Variants in CENPP observed in about 807,000 individuals in gnomAD.
CENPP encodes the protein centromere protein P.
A neutral mutation model predicts 35.6 loss-of-function variants in CENPP; 24 were observed. The observed-to-expected ratio is 0.67, with a 90% CI of 0.49 to 0.95. The LOEUF is 0.95. CENPP is among the 40% of genes least tolerant of loss of function. The pLI is 0.00. For synonymous variants in CENPP, 120 were observed against 125.5 expected (o/e 0.96, Z 0.29); for missense variants, 332 against 345.3 (o/e 0.96, Z 0.31).
intron 5 of CENPP, among the ~76,000 whole-genome samples, chr9:92,405,491 G>A (rs1843280669): frequency 1.3e-5 from 2 of 152,076 alleles, no homozygotes; most frequent in African/African-American, 4.8e-5. Flanking sequence ...TAAGACTTGA[G>A]CACTGAAGTT....
intron 5 of CENPP, among the ~76,000 whole-genome samples, chr9:92,406,453 C>T (rs1180065076): frequency 6.6e-6 from 1 of 152,166 alleles, no homozygotes; most frequent in Non-Finnish European, 1.5e-5. Context: ...TCTAATGTTG[C>T]ATTGCTGAAG....
rs1842205452 is a variant in CENPP at position 92,379,825 on chromosome 9, T to C, written c.530T>C (p.Phe177Ser). The stretch of plus-strand genomic sequence containing the variant: ...AGCCTGCATTTTTTTGTGGAGTGGT[T>C]TGAATATCGTAAGCGCACGTTTAAA... Reference protein sequence around the residue: ...FRSLHFFVEWFEYRKRTFKHL... With the variant: ...FRSLHFFVEWSEYRKRTFKHL... The change falls in exon 5 of 8, where the codon TTT becomes TCT. Residue 177 changes from phenylalanine (F) to serine (S), a missense_variant. By Grantham distance (155) the Phe-to-Ser change is radical. Coordinates refer to ENST00000375587, the MANE Select transcript of CENPP (RefSeq NM_001012267.3). The C allele has an allele frequency of 6.2e-7, 1 of 1,613,114 alleles. No homozygotes were observed. Among genetic ancestry groups the C allele is most frequent in the African/African-American group, 1.3e-5 (1 of 74,924 alleles).
At chr9:92,456,878 T>C in intron 5 of CENPP, 1 of 887,496 alleles carries the variant, frequency 1.1e-6, no homozygotes, top group Non-Finnish European at 1.4e-6. Context: ...TTACTGTCTT[T>C]GTTAATTCTG....
chr9:92,539,656 T>C (rs1849271411), intron 5 of CENPP, among the ~76,000 whole-genome samples: 1 of 152,092 alleles, frequency 6.6e-6, no homozygotes, highest in Non-Finnish European at 1.5e-5. Flanking sequence ...GAGAGGATGC[T>C]AAGTGAGGGG....
At chr9:92,492,690 C>G (rs1221673310) in intron 5 of CENPP, among the ~76,000 whole-genome samples, 2 of 152,158 alleles carry the variant, frequency 1.3e-5, no homozygotes, top group African/African-American at 2.4e-5. Context: ...TATTAGGCAG[C>G]CTGCCACTCT....
intron 5 of CENPP, among the ~76,000 whole-genome samples, chr9:92,502,997 A>G (rs936239716): frequency 1.3e-5 from 2 of 151,842 alleles, no homozygotes; most frequent in Admixed American, 6.6e-5. Flanking sequence ...TTGTAGAGAC[A>G]GGGTCTCACC....
chr9:92,588,408 C>T (rs144304193), intron 5 of CENPP, among the ~76,000 whole-genome samples: 4,541 of 151,398 alleles, frequency 0.03, 103 homozygotes, highest in Non-Finnish European at 0.044. Context: ...GCACCACACC[C>T]GGCTAATTTT....
chr9:92,584,917 C>T (rs1273595222), intron 5 of CENPP, among the ~76,000 whole-genome samples: 1 of 152,192 alleles, frequency 6.6e-6, no homozygotes, highest in East Asian at 1.9e-4. Flanking sequence ...GTTTGTCAAG[C>T]ACCTATTATG....
intron 5 of CENPP, chr9:92,493,887 G>A (rs1202419421): frequency 7.6e-6 from 3 of 397,080 alleles, no homozygotes; most frequent in African/African-American, 4.1e-5. Context: ...GTTGAGAAGC[G>A]ACATACACAG....
intron 5 of CENPP, among the ~76,000 whole-genome samples, chr9:92,422,791 T>C (rs557425608): frequency 1.1e-4 from 17 of 152,324 alleles, no homozygotes; most frequent in African/African-American, 4.1e-4. Context: ...GTTACAACAA[T>C]CTCTTATTTT....
At chr9:92,597,216 A>G (rs1469033159) in intron 5 of CENPP, among the ~76,000 whole-genome samples, 2 of 152,174 alleles carry the variant, frequency 1.3e-5, no homozygotes, top group African/African-American at 4.8e-5. Context: ...TAAAATGAGC[A>G]ATATACCGCA....
At chr9:92,462,970 A>G (rs1461652791) in intron 5 of CENPP, among the ~76,000 whole-genome samples, 1 of 152,206 alleles carries the variant, frequency 6.6e-6, no homozygotes, top group Non-Finnish European at 1.5e-5. Context: ...AAGTTGAGGG[A>G]ACTGTTGTGT....
At chr9:92,461,586 C>T (rs1472545924) in intron 5 of CENPP, among the ~76,000 whole-genome samples, 4 of 152,128 alleles carry the variant, frequency 2.6e-5, no homozygotes, top group Non-Finnish European at 5.9e-5. Context: ...CCTTTAACTT[C>T]TTCCTATGCC....
chr9:92,331,944 A>G (rs1016206362), intron 1 of CENPP, among the ~76,000 whole-genome samples: 3 of 152,154 alleles, frequency 2.0e-5, no homozygotes, highest in African/African-American at 7.2e-5. Context: ...TAAGACCCTC[A>G]TCTCTTAAAA....
At chr9:92,530,426 A>G (rs941986431) in intron 5 of CENPP, among the ~76,000 whole-genome samples, 70 of 152,242 alleles carry the variant, frequency 4.6e-4, no homozygotes, top group African/African-American at 1.6e-3. Context: ...TCTGTTAAAA[A>G]ATTAGTAGTC....
At chr9:92,446,220 C>A (rs974661745) in intron 5 of CENPP, among the ~76,000 whole-genome samples, 4 of 152,086 alleles carry the variant, frequency 2.6e-5, no homozygotes. Context: ...CCTCTTTAGA[C>A]CCTCTATAAT....
intron 5 of CENPP, among the ~76,000 whole-genome samples, chr9:92,432,282 G>A (rs1427766821): frequency 1.3e-5 from 2 of 151,610 alleles, no homozygotes; most frequent in South Asian, 2.1e-4. Flanking sequence ...TCAAGATGGC[G>A]CCATTGCACT....
chr9:92,619,520 T>C lies in CENPP; in HGVS notation c.*6371T>C, dbSNP rs201365735. On this transcript the variant is annotated 3_prime_UTR_variant, in exon 8 of 8. Transcript: ENST00000375587. ...TGCAGACAGGGAGACAGTGCAATCA[T>C]GATGGAGCAGTCCTTGGCAGTCATG... is the stretch of plus-strand genomic sequence containing the variant. The C allele has an allele frequency of 4.0e-4, 637 of 1,593,586 alleles. No homozygotes were observed. The highest frequency in any genetic ancestry group is 5.0e-4 in the Non-Finnish European group (587 of 1,170,574).
In CENPP at chr9:92,474,722, G is replaced by A. The variant is rs769651044; in HGVS notation, c.564+94863G>A. ...AAAAAAATGGCTTCTTGGCTCTCTTGTTGGAAAAAGAGAGTTGTCCTCATC... is the reference window on the plus strand; with the variant it reads ...AAAAAAATGGCTTCTTGGCTCTCTTATTGGAAAAAGAGAGTTGTCCTCATC... On this transcript the variant is annotated intron_variant, in intron 5 of 7. Coordinates refer to ENST00000375587, the MANE Select transcript of CENPP (RefSeq NM_001012267.3). 30 of 1,610,976 alleles carry A rather than the reference G, an allele frequency of 1.9e-5. No homozygotes were observed. In the Middle Eastern group the frequency reaches 2.6e-3, roughly 142 times the overall value.
Sources: allele counts gnomAD v4.1 joint callset (sites outside exome capture counted in the v4.1 genomes callset), GRCh38; gene constraint gnomAD v4.1.1; transcripts MANE v1.5; gene names NCBI Gene and HGNC (gene_info 2026-07-23, HGNC 2026-07-21).